The following LARP1 variants were observed in gnomAD, a reference collection of about 807,000 sequenced individuals.
The protein encoded by LARP1 is La ribonucleoprotein 1, translational regulator, also known as la-related protein 1.
Under a neutral mutation model 122.7 loss-of-function variants are expected in LARP1, and 36 were observed. The ratio of observed to expected loss-of-function variants is 0.29; its 90% confidence interval spans 0.22 to 0.39. The LOEUF is 0.39. Ranked by LOEUF, LARP1 falls within the 10% of genes least tolerant of loss-of-function variation. The probability of loss-of-function intolerance (pLI) is 1.00; values close to 1 mark genes in which losing one functional copy is unlikely to be tolerated. For synonymous variants in LARP1, 539 were observed against 528.7 expected (o/e 1.02, Z -0.27); for missense variants, 1,040 against 1,403.6 (o/e 0.74, Z 4.14).
intron 18 of LARP1, among the ~76,000 whole-genome samples, chr5:154,812,477 G>A (rs1319579463): frequency 6.7e-6 from 1 of 149,802 alleles, no homozygotes; most frequent in East Asian, 2.0e-4. Context: ...TGGCAGCAAG[G>A]AGAAGTGCAG....
intron 4 of LARP1, 67 bp downstream of exon 4, chr5:154,792,863 G>GCA: frequency 6.6e-7 from 1 of 1,519,086 alleles, no homozygotes; most frequent in Non-Finnish European, 9.0e-7. Flanking sequence ...CAGGACTCCA[G>GCA]GGGACTGCTG....
rs998438612 is a variant in LARP1 at position 154,788,984 on chromosome 5, G to C, written c.437-1341G>C. On this transcript the variant is annotated intron_variant, in intron 1 of 18. Transcript: ENST00000518297. Reference sequence around the variant, plus strand: ...CCCAGCACTTTGGGAGGCTGAGGCAGGTAGGTTACTTGAGGTCAGGCATTT... The same window carrying C: ...CCCAGCACTTTGGGAGGCTGAGGCACGTAGGTTACTTGAGGTCAGGCATTT... Among the ~76,000 whole-genome samples, 4 of 152,168 alleles carry C rather than the reference G, an allele frequency of 2.6e-5. No homozygotes were observed. The South Asian group carries it at 8.3e-4, about 32-fold the overall frequency.
intron 1 of LARP1, among the ~76,000 whole-genome samples, chr5:154,774,022 G>T (rs1431026120): frequency 6.6e-6 from 1 of 151,644 alleles, no homozygotes; most frequent in Non-Finnish European, 1.5e-5. Context: ...CGTCATGCAG[G>T]TTTGAGATTT....
At chr5:154,783,961 A>G (rs1756672768) in intron 1 of LARP1, among the ~76,000 whole-genome samples, 2 of 152,334 alleles carry the variant, frequency 1.3e-5, no homozygotes, top group South Asian at 4.1e-4. Flanking sequence ...TGAGTGTTGC[A>G]TTCTGGACTG....
intron 1 of LARP1, among the ~76,000 whole-genome samples, chr5:154,720,035 A>G (rs1755762481): frequency 6.6e-6 from 1 of 152,042 alleles, no homozygotes; most frequent in Admixed American, 6.5e-5. Context: ...CTACTAAAAT[A>G]CAAAAATTAG....
In LARP1 at chr5:154,790,732, G is replaced by A. The variant is rs376054872; in HGVS notation, c.564+22G>A. ...TCAGGTGAGTCTGTGTGGAAGAATAGGCAGGTTTGAAGTCTCTTGACATAC... is the reference window on the plus strand; with the variant it reads ...TCAGGTGAGTCTGTGTGGAAGAATAAGCAGGTTTGAAGTCTCTTGACATAC... On this transcript the variant is annotated intron_variant, in intron 3 of 18. Coordinates refer to ENST00000518297, the MANE Select transcript of LARP1 (RefSeq NM_033551.3). 4.3e-5 allele frequency: 69 copies of A among 1,612,068 alleles called. No homozygotes were observed. The African/African-American group carries it at 8.5e-4, about 20-fold the overall frequency.
upstream of LARP1, among the ~76,000 whole-genome samples, chr5:154,752,732 A>G (rs1193780110): frequency 6.6e-6 from 1 of 151,690 alleles, no homozygotes; most frequent in Non-Finnish European, 1.5e-5. Context: ...TGAGGTCAGG[A>G]GTTTGAGACT....
At chr5:154,726,606 A>G (rs1756229724) in intron 1 of LARP1, among the ~76,000 whole-genome samples, 1 of 152,256 alleles carries the variant, frequency 6.6e-6, no homozygotes, top group Non-Finnish European at 1.5e-5. Flanking sequence ...TAAGCCTCAA[A>G]TACAGCATCC....
chr5:154,704,837 G>A (rs1754873040), intron 1 of LARP1, among the ~76,000 whole-genome samples: 1 of 151,956 alleles, frequency 6.6e-6, no homozygotes, highest in Non-Finnish European at 1.5e-5. Context: ...AAAGGACAGG[G>A]CCGGGCATAG....
chr5:154,723,312 A>G (rs957852484), intron 1 of LARP1, among the ~76,000 whole-genome samples: 2 of 152,198 alleles, frequency 1.3e-5, no homozygotes, highest in African/African-American at 4.8e-5. Flanking sequence ...TGAGATATAG[A>G]ACCCTTGGGC....
At chr5:154,797,907 A>AT (rs1758018565) in intron 8 of LARP1, among the ~76,000 whole-genome samples, 1 of 151,940 alleles carries the variant, frequency 6.6e-6, no homozygotes, top group South Asian at 2.1e-4. Context: ...CTGGTCTGAA[A>AT]TTCCTGGGCT....
At chr5:154,771,648 C>T (rs1030315651) in intron 1 of LARP1, among the ~76,000 whole-genome samples, 2 of 152,174 alleles carry the variant, frequency 1.3e-5, no homozygotes, top group African/African-American at 4.8e-5. Context: ...CTGTTACGGC[C>T]CAGCCTAGAC....
chr5:154,814,296 C>T lies in LARP1; in HGVS notation c.*200C>T. 1 of 534,704 alleles carries T rather than the reference C, an allele frequency of 1.9e-6. No homozygotes were observed. The highest frequency in any genetic ancestry group is 3.3e-5 in the Admixed American group (1 of 30,218). The allele number at this position is 534,704 out of a possible 1,614,324, so 33.1% of individuals were successfully genotyped here. A position where few individuals can be genotyped will look rare whatever the true frequency, so the allele number is the denominator to read the frequency against. On this transcript the variant is annotated 3_prime_UTR_variant, in exon 19 of 19. Coordinates refer to ENST00000518297, the MANE Select transcript of LARP1 (RefSeq NM_033551.3). ...GGCAGGAGCCTCTACATCCCCTTCC[C>T]CCTCCTCTCTCCATGACTCTTGACA...
chr5:154,705,901 A>G (rs1754924455), intron 1 of LARP1, among the ~76,000 whole-genome samples: 1 of 152,214 alleles, frequency 6.6e-6, no homozygotes, highest in African/African-American at 2.4e-5. Context: ...CATTTTATCA[A>G]AAAGACATAT....
intron 1 of LARP1, among the ~76,000 whole-genome samples, chr5:154,765,416 G>C (rs1754856481): frequency 6.6e-6 from 1 of 152,066 alleles, no homozygotes. Context: ...CCCAAGGCAG[G>C]GTCTGAGTCT....
intron 1 of LARP1, among the ~76,000 whole-genome samples, chr5:154,768,984 G>GT (rs1176857384): frequency 6.6e-6 from 1 of 152,094 alleles, no homozygotes; most frequent in Non-Finnish European, 1.5e-5. Context: ...GGGATTACAG[G>GT]TGCCTATCAC....
At chr5:154,785,586 G>A (rs191938173) in intron 1 of LARP1, among the ~76,000 whole-genome samples, 1 of 152,308 alleles carries the variant, frequency 6.6e-6, no homozygotes. Flanking sequence ...GACCCTGTGA[G>A]GAGCAGAGTA....
At chr5:154,812,513 C>A (rs1271099200) in intron 18 of LARP1, among the ~76,000 whole-genome samples, 4 of 78,870 alleles carry the variant, frequency 5.1e-5, no homozygotes, top group East Asian at 4.8e-4. Context: ...AAGCCCCCCC[C>A]CCCCACCCCC....
intron 1 of LARP1, among the ~76,000 whole-genome samples, chr5:154,790,091 G>GCTGCTGT (rs1757221219): frequency 6.6e-6 from 1 of 152,196 alleles, no homozygotes; most frequent in Non-Finnish European, 1.5e-5. Flanking sequence ...TTGGCTGCTG[G>GCTGCTGT]CTGCTGGCTC....
Sources: allele counts gnomAD v4.1 joint callset (sites outside exome capture counted in the v4.1 genomes callset), GRCh38; gene constraint gnomAD v4.1.1; transcripts MANE v1.5; gene names NCBI Gene and HGNC (gene_info 2026-07-23, HGNC 2026-07-21).